KDM4F: variants seen among roughly 807,000 people sequenced by gnomAD.
KDM4F encodes probable lysine-specific demethylase 4F.
For synonymous variants in KDM4F, 223 were observed against 184.4 expected (o/e 1.21, Z -1.70); for missense variants, 586 against 496.4 (o/e 1.18, Z -1.71).
exon 1 of KDM4F, chr11:95,050,004 C>G: frequency 6.2e-7 from 1 of 1,614,136 alleles, no homozygotes; most frequent in Non-Finnish European, 8.5e-7. Context: ...GGACATGGAC[C>G]TTTACAGCAT....
Position 95,050,768 on chromosome 11 carries a change from T to G in KDM4F, c.1347T>G (p.Thr449=), listed in dbSNP as rs577348896. The G allele has an allele frequency of 1.3e-4, 84 of 649,800 alleles. 1 individual carries two copies. The highest frequency in any genetic ancestry group is 1.0e-3 in the Middle Eastern group (4 of 4,004). 40.3% of individuals were successfully genotyped at this position (649,800 alleles called of 1,614,324 possible). A position where few individuals can be genotyped will look rare whatever the true frequency, so the allele number is the denominator to read the frequency against. Residue 449 remains threonine, a synonymous_variant, in exon 1 of 1, where the codon ACT becomes ACG. Transcript: ENST00000545950. Reference sequence around the variant, plus strand: ...GTCGTCGTCCTCGAGAACTGGGGACTGAGGAGACAACTGTTCAGTCTGCAG... The same window carrying G: ...GTCGTCGTCCTCGAGAACTGGGGACGGAGGAGACAACTGTTCAGTCTGCAG...
At chr11:95,050,316 G>C in exon 1 of KDM4F, 1 of 1,341,428 alleles carries the variant, frequency 7.5e-7, no homozygotes, top group Admixed American at 1.7e-5. Flanking sequence ...ACGATGGATT[G>C]ATTATGGTAA....
chr11:95,050,240 C>T, exon 1 of KDM4F: 3 of 1,547,732 alleles, frequency 1.9e-6, no homozygotes, highest in Non-Finnish European at 1.8e-6. Context: ...TGACTTTTCC[C>T]TATGGCTACC....
chr11:95,051,103 C>A, exon 1 of KDM4F: 1 of 402,138 alleles, frequency 2.5e-6, no homozygotes, highest in Admixed American at 4.3e-5. Flanking sequence ...TCCAGGGACA[C>A]TGGTGGAGAC....
At chr11:95,049,524 A>C (rs1408727235) in exon 1 of KDM4F, 2 of 1,591,848 alleles carry the variant, frequency 1.3e-6, no homozygotes, top group African/African-American at 2.7e-5. Flanking sequence ...TGTTGCTTAC[A>C]TGGAGTCCCA....
At chr11:95,050,402 C>A in exon 1 of KDM4F, 1 of 888,376 alleles carries the variant, frequency 1.1e-6, no homozygotes, top group Non-Finnish European at 1.9e-6. Context: ...TCCTGCAACC[C>A]GAGAGCTATG....
chr11:95,049,993 A>G, exon 1 of KDM4F: 1 of 1,614,236 alleles, frequency 6.2e-7, no homozygotes, highest in Non-Finnish European at 8.5e-7. Flanking sequence ...TGGCACACGG[A>G]GGACATGGAC....
At chr11:95,050,392 T>A in exon 1 of KDM4F, 1 of 913,842 alleles carries the variant, frequency 1.1e-6, no homozygotes. Flanking sequence ...TTCGTGCGCA[T>A]CCTGCAACCC....
exon 1 of KDM4F, chr11:95,049,659 G>A: frequency 2.5e-6 from 4 of 1,599,992 alleles, no homozygotes; most frequent in South Asian, 1.1e-5. Flanking sequence ...CTCTGGGCAG[G>A]GAGGTGTGTT....
rs531386364 is a variant in KDM4F at position 95,049,507 on chromosome 11, A to G, written c.86A>G (p.Asn29Ser). The change falls in exon 1 of 1, where the codon AAC becomes AGC. Residue 29 changes from asparagine to serine, a missense_variant. Asn to Ser is a conservative substitution (Grantham distance 46). Transcript: ENST00000545950. ...ACCATGGAAGAATTTGCAGATTTCA[A>G]CACATATGTTGCTTACATGGAGTCC... 6.9e-6 allele frequency: 11 copies of G among 1,582,952 alleles called. No homozygotes were observed. The East Asian group carries it at 2.5e-4, about 36-fold the overall frequency.
chr11:95,050,624 T>C, exon 1 of KDM4F: 2 of 628,004 alleles, frequency 3.2e-6, no homozygotes, highest in Non-Finnish European at 5.7e-6. Flanking sequence ...GTACCGATGC[T>C]GTGCCTGGAT....
chr11:95,051,182 C>G (rs924899117), exon 1 of KDM4F: 6 of 398,702 alleles, frequency 1.5e-5, no homozygotes, highest in African/African-American at 6.2e-5. Context: ...GGGTTCCGGT[C>G]CCAACTAAGT....
chr11:95,050,584 C>A, exon 1 of KDM4F: 1 of 666,782 alleles, frequency 1.5e-6, no homozygotes. Context: ...ACTGTGGCCC[C>A]AAGGCTCTGT....
exon 1 of KDM4F, chr11:95,051,122 C>T (rs1858507882): frequency 5.0e-6 from 2 of 400,506 alleles, no homozygotes; most frequent in African/African-American, 4.1e-5. Flanking sequence ...ACTGGAAATC[C>T]CCGGTGAATC....
At chr11:95,049,462 C>A in exon 1 of KDM4F, 8 of 1,516,188 alleles carry the variant, frequency 5.3e-6, no homozygotes, top group Non-Finnish European at 7.1e-6. Context: ...ACGAGTCATA[C>A]CATCATGACG....
chr11:95,049,602 G>A lies in KDM4F; in HGVS notation c.181G>A (p.Asp61Asn). Residue 61 changes from aspartate to asparagine, a missense_variant, in exon 1 of 1, where the codon GAT (aspartate) becomes AAT (asparagine). Physicochemically the swap from Asp to Asn is conservative, Grantham distance 23. Coordinates refer to ENST00000545950, the Ensembl canonical transcript of KDM4F. ...GGAATGGAAAGCCAGACAGATGTAT[G>A]ATGATATTGAAGACATCTTAATAGC... The A allele has an allele frequency of 2.5e-6, 4 of 1,599,422 alleles. No homozygotes were observed. In the South Asian group the frequency reaches 4.4e-5, roughly 18 times the overall value.
exon 1 of KDM4F, chr11:95,049,438 C>T: frequency 7.0e-7 from 1 of 1,423,238 alleles, no homozygotes; most frequent in Non-Finnish European, 9.5e-7. Context: ...TCTGTGCACT[C>T]CAGTCCCCAG....
chr11:95,049,465 T>A, exon 1 of KDM4F: 10 of 1,523,632 alleles, frequency 6.6e-6, no homozygotes, highest in Non-Finnish European at 8.8e-6. Context: ...AGTCATACCA[T>A]CATGACGTTT....
At chr11:95,049,888 C>A in exon 1 of KDM4F, 2 of 1,609,842 alleles carry the variant, frequency 1.2e-6, no homozygotes, top group Non-Finnish European at 1.7e-6. Flanking sequence ...CACCTGGGAA[C>A]AATTCTGGAC....
Sources: allele counts gnomAD v4.1 joint callset, GRCh38; gene constraint gnomAD v4.1.1; transcripts MANE v1.5; gene names NCBI Gene and HGNC (gene_info 2026-07-23, HGNC 2026-07-21).